CDH11: variants seen among roughly 807,000 people sequenced by gnomAD.
The protein encoded by CDH11 is cadherin-11.
CDH11 carries 11 observed loss-of-function variants against 67.8 expected under a neutral mutation model. That is an observed-to-expected ratio of 0.16 (90% CI 0.10 to 0.27). CDH11 has a LOEUF of 0.27. Ranked by LOEUF, CDH11 falls within the 10% of genes least tolerant of loss-of-function variation. The pLI, the probability that CDH11 is intolerant of heterozygous loss-of-function variation, is 1.00. For missense variants in CDH11, 847 were observed against 1,031.2 expected (o/e 0.82, Z 2.45); for synonymous variants, 419 against 400.0 (o/e 1.05, Z -0.57).
At chr16:65,081,603 C>T (rs1008540457) in intron 1 of CDH11, among the ~76,000 whole-genome samples, 5 of 148,296 alleles carry the variant, frequency 3.4e-5, no homozygotes, top group African/African-American at 9.9e-5. Flanking sequence ...CCATGTAATA[C>T]AGCCCTATCA....
intron 3 of CDH11, among the ~76,000 whole-genome samples, 171 bp downstream of exon 3, chr16:65,004,471 T>A (rs913715286): frequency 3.9e-5 from 6 of 152,232 alleles, no homozygotes; most frequent in African/African-American, 9.6e-5. Context: ...TTATTTTTTT[T>A]AAAAGTCTGG....
chr16:64,947,897 C>G lies in CDH11; in HGVS notation c.2097G>C (p.Glu699Asp), dbSNP rs764812249. 1.9e-6 allele frequency: 3 copies of G among 1,614,182 alleles called. No homozygotes were observed. The highest frequency in any genetic ancestry group is 2.5e-6 in the Non-Finnish European group (3 of 1,180,018). ...GCCCAGGTCTAGGCATGTACTGATA[C>G]TCAGGTTTGATGTCTTTGCGGGGGA... ...GFIPRKDIKPEYQYMPRPGLR... is the reference protein window; with the variant it reads ...GFIPRKDIKPDYQYMPRPGLR... The change falls in exon 13 of 13, where the codon GAG (glutamate) becomes GAC (aspartate). Residue 699 changes from glutamate (E) to aspartate (D), a missense_variant. Glu to Asp is a conservative substitution (Grantham distance 45, BLOSUM62 2). This residue lies in a region of CDH11 where 612 missense variants were observed against 678.7 expected (regional missense o/e 0.90). Transcript: ENST00000268603.
chr16:65,101,571 C>T (rs2074992735), intron 1 of CDH11, among the ~76,000 whole-genome samples: 2 of 152,094 alleles, frequency 1.3e-5, no homozygotes, highest in South Asian at 4.2e-4. Flanking sequence ...CTCTTCCCTC[C>T]CTACTCACCA....
In CDH11 at chr16:64,947,188, A is replaced by G. The variant is rs1321925941; in HGVS notation, c.*415T>C. The G allele has an allele frequency of 9.3e-7, 1 of 1,074,286 alleles. No homozygotes were observed. The highest frequency in any genetic ancestry group is 1.7e-5 in the African/African-American group (1 of 60,328). 66.5% of individuals were successfully genotyped at this position (1,074,286 alleles called of 1,614,324 possible). ...AAAATGCACTACATATAGAGTGTCCAGAGTTTAAGGCGAAATTACAGCTCA... is the reference window on the plus strand; with the variant it reads ...AAAATGCACTACATATAGAGTGTCCGGAGTTTAAGGCGAAATTACAGCTCA... On this transcript the variant is annotated 3_prime_UTR_variant, in exon 13 of 13. Coordinates refer to ENST00000268603, the MANE Select transcript of CDH11 (RefSeq NM_001797.4).
At chr16:65,085,920 C>T (rs2074689747) in intron 1 of CDH11, among the ~76,000 whole-genome samples, 1 of 152,194 alleles carries the variant, frequency 6.6e-6, no homozygotes, top group Non-Finnish European at 1.5e-5. Flanking sequence ...TATTCTTTAG[C>T]TTTTCAAAAA....
intron 5 of CDH11, 55 bp downstream of exon 5, chr16:64,992,860 G>T: frequency 1.9e-6 from 3 of 1,571,348 alleles, no homozygotes; most frequent in East Asian, 2.2e-5. Context: ...TTCTGGTCAG[G>T]CCTGGGACTT....
At position 64,948,763 on chromosome 16, in the gene CDH11, G is replaced by A. The variant is rs575557780; in HGVS notation, c.1895-664C>T. The stretch of plus-strand genomic sequence containing the variant: ...CAATCTCATGTCTTCCCTGGGAGAG[G>A]GGGGTTCCATTAAGCTTGGGCAACC... On this transcript the variant is annotated intron_variant, in intron 12 of 12. Transcript: ENST00000268603. 50 of 1,601,220 alleles carry A rather than the reference G, an allele frequency of 3.1e-5. 2 individuals are homozygous for A. In the South Asian group the frequency reaches 5.4e-4, roughly 17 times the overall value.
chr16:64,964,370 T>C (rs894958612), intron 11 of CDH11, among the ~76,000 whole-genome samples: 1 of 152,100 alleles, frequency 6.6e-6, no homozygotes, highest in Non-Finnish European at 1.5e-5. Flanking sequence ...TATTTGTGTG[T>C]TGAAACATAG....
At chr16:64,973,149 A>G in intron 8 of CDH11, 109 bp from the exon 9 acceptor site, 1 of 1,063,298 alleles carries the variant, frequency 9.4e-7, no homozygotes, top group Non-Finnish European at 1.4e-6. Flanking sequence ...GAATTACTTA[A>G]GCTAGATTTT....
intron 2 of CDH11, among the ~76,000 whole-genome samples, chr16:65,020,661 C>T (rs1458941921): frequency 6.6e-6 from 1 of 152,120 alleles, no homozygotes; most frequent in East Asian, 1.9e-4. Context: ...TTTATTTCCT[C>T]AAAATTACTA....
chr16:65,014,909 G>T (rs2142559041), intron 2 of CDH11, among the ~76,000 whole-genome samples: 1 of 151,732 alleles, frequency 6.6e-6, no homozygotes, highest in African/African-American at 2.4e-5. Context: ...AGGCTGGAGT[G>T]CAATGGCACG....
At chr16:64,981,097 C>CTTTTTTTTTTTTTTT (rs71376752) in intron 8 of CDH11, 20 of 116,464 alleles carry the variant, frequency 1.7e-4, no homozygotes, top group Non-Finnish European at 2.5e-4. Flanking sequence ...TTCTTTCTTT[C>CTTTTTTTTTTTTTTT]TTTTTTTTTT....
intron 1 of CDH11, among the ~76,000 whole-genome samples, chr16:65,098,323 G>A (rs1954006290): frequency 1.3e-5 from 2 of 152,082 alleles, no homozygotes; most frequent in South Asian, 2.1e-4. Context: ...AGATACTACT[G>A]TAAGATAAAC....
intron 1 of CDH11, among the ~76,000 whole-genome samples, chr16:65,075,713 T>C (rs1428703237): frequency 6.6e-6 from 1 of 152,180 alleles, no homozygotes; most frequent in Non-Finnish European, 1.5e-5. Context: ...GCTCCCAGGA[T>C]GCCATCCCTA....
Position 64,971,980 on chromosome 16 carries a change from T to C in CDH11, c.1475A>G (p.Tyr492Cys). The change falls in exon 10 of 13, where the codon TAT (tyrosine) becomes TGT (cysteine). Residue 492 changes from tyrosine (Y) to cysteine (C), a missense_variant. By Grantham distance (194) the Tyr-to-Cys change is radical. Around this residue, in one of 2 missense-constraint regions of CDH11, gnomAD observed 612 missense variants for 678.7 expected, o/e 0.90. Coordinates refer to ENST00000268603, the MANE Select transcript of CDH11 (RefSeq NM_001797.4). ...NDNAPKFAAP[Y>C]EGFICESDQT... ...ATCACTCTCACAGATGAAACCTTCA[T>C]AAGGGGCAGCAAACTTGGGAGCATT... The C allele has an allele frequency of 6.2e-7, 1 of 1,613,970 alleles. No individual in the cohort carries two copies. The highest frequency in any genetic ancestry group is 8.5e-7 in the Non-Finnish European group (1 of 1,179,906).
intron 11 of CDH11, among the ~76,000 whole-genome samples, chr16:64,954,344 T>C (rs1271115689): frequency 1.3e-5 from 2 of 152,220 alleles, no homozygotes; most frequent in Non-Finnish European, 2.9e-5. Context: ...GGACTAAGGC[T>C]TTCTTCCTGG....
rs115404558 is a variant in CDH11 at position 65,098,569 on chromosome 16, T to C, written c.-298+23311A>G. Among the ~76,000 whole-genome samples the C allele has an allele frequency of 4.6e-3, 694 of 152,128 alleles. 3 individuals are homozygous for C. Among genetic ancestry groups the C allele is most frequent in the African/African-American group, 0.016 (654 of 41,524 alleles). ...GTTTTAGAGACAGGGTCTCACTATG[T>C]TGCCCAAGCTGATCTCAAACTCCTG... On this transcript the variant is annotated intron_variant, in intron 1 of 12. Transcript: ENST00000268603.
rs148024624 is a variant in CDH11 at position 64,972,025 on chromosome 16, C to A, written c.1430G>T (p.Arg477Met). 492 of 1,613,570 alleles carry A rather than the reference C, an allele frequency of 3.0e-4. 1 individual carries two copies. Among genetic ancestry groups the A allele is most frequent in the Admixed American group, 4.7e-4 (28 of 59,984 alleles). ...AGCATTATCGTTGACATCAAGGACC[C>A]TAATGGCCACTGGGACTTTGGCTTC... Reference protein sequence around the residue: ...HQEAKVPVAIRVLDVNDNAPK... With the variant: ...HQEAKVPVAIMVLDVNDNAPK... Residue 477 changes from arginine (R) to methionine (M), a missense_variant, in exon 10 of 13, where the codon AGG (arginine) becomes ATG (methionine). Around this residue, in one of 2 missense-constraint regions of CDH11, gnomAD observed 612 missense variants for 678.7 expected, o/e 0.90. Transcript: ENST00000268603.
At chr16:65,039,054 T>A (rs892349010) in intron 2 of CDH11, among the ~76,000 whole-genome samples, 2 of 152,314 alleles carry the variant, frequency 1.3e-5, no homozygotes, top group African/African-American at 2.4e-5. Flanking sequence ...GTGAAAGAGA[T>A]GAAGTCCAGC....
Sources: gnomAD v4.1 joint callset for allele counts (sites outside exome capture counted in the v4.1 genomes callset) on GRCh38, gnomAD v4.1.1 for gene constraint, gnomAD v4.1.1 regional missense constraint, MANE v1.5 for transcripts, NCBI Gene and HGNC (gene_info 2026-07-23, HGNC 2026-07-21) for gene names.